Variants in MAGED1 observed in about 807,000 individuals in gnomAD.
MAGED1 encodes the protein MAGE family member D1.
Under a neutral mutation model 54.1 loss-of-function variants are expected in MAGED1, and 3 were observed. The observed-to-expected ratio is 0.06, with a 90% CI of 0.03 to 0.14. The LOEUF is 0.14. MAGED1 is among the 10% of genes least tolerant of loss of function. The pLI, the probability that MAGED1 is intolerant of heterozygous loss-of-function variation, is 1.00. For missense variants in MAGED1, 485 were observed against 623.4 expected (o/e 0.78, Z 2.36); for synonymous variants, 217 against 227.3 (o/e 0.95, Z 0.41).
intron 2 of MAGED1, 124 bp from the exon 3 acceptor site, chrX:51,894,929 C>A: frequency 1.1e-6 from 1 of 911,431 alleles, no homozygotes; most frequent in Non-Finnish European, 1.5e-6. Flanking sequence ...CTCAGCCCCC[C>A]TGTTTTTGCA....
At chrX:51,822,217 T>C (rs1165166481) in intron 1 of MAGED1, among the ~76,000 whole-genome samples, 1 of 112,113 alleles carries the variant, frequency 8.9e-6, no homozygotes, top group East Asian at 2.8e-4. Flanking sequence ...ACTAATTCAA[T>C]GTCTTCACTT....
chrX:51,839,390 A>G (rs1557358230), intron 1 of MAGED1, among the ~76,000 whole-genome samples: 1 of 111,973 alleles, frequency 8.9e-6, no homozygotes, highest in African/African-American at 3.2e-5. Context: ...ATGTGTACAG[A>G]AATGGATCCA....
At position 51,869,958 on chromosome X, in the gene MAGED1, ACTC is replaced by A. The variant is rs1337193979; in HGVS notation, c.-36-24308_-36-24306del. ...GCTATCATAGCTCACTGCAGCCTAA[ACTC>A]CTGGGGTCAGGGGATCCTTCTGCCT... On this transcript the variant is annotated intron_variant, in intron 1 of 12. Transcript: ENST00000375772. 1.3e-4 allele frequency among the ~76,000 whole-genome samples: 14 copies of A among 110,615 alleles called. No homozygotes were observed. In the East Asian group the frequency reaches 3.7e-3, roughly 30 times the overall value.
intron 1 of MAGED1, among the ~76,000 whole-genome samples, chrX:51,854,790 C>T (rs1320307444): frequency 1.8e-5 from 2 of 111,059 alleles, no homozygotes; most frequent in Non-Finnish European, 3.8e-5. Flanking sequence ...TGCCCTAAGA[C>T]CAGGCAGGAG....
At chrX:51,855,840 A>G (rs1194139450) in intron 1 of MAGED1, among the ~76,000 whole-genome samples, 1 of 111,722 alleles carries the variant, frequency 9.0e-6, no homozygotes, top group Non-Finnish European at 1.9e-5. Context: ...TCCTCTTCTT[A>G]TAAGGACACC....
At chrX:51,820,331 T>C (rs1925576790) in intron 1 of MAGED1, among the ~76,000 whole-genome samples, 1 of 112,273 alleles carries the variant, frequency 8.9e-6, no homozygotes, top group South Asian at 3.7e-4. Flanking sequence ...AGAATTTCAA[T>C]AGGAATTTCA....
chrX:51,901,221 C>G (rs1557364901), intron 11 of MAGED1, among the ~76,000 whole-genome samples: 1 of 112,074 alleles, frequency 8.9e-6, no homozygotes, highest in Non-Finnish European at 1.9e-5. Context: ...TAACCGATAT[C>G]TCCCTATCCC....
intron 1 of MAGED1, among the ~76,000 whole-genome samples, chrX:51,861,394 C>T (rs782206385): frequency 4.5e-5 from 5 of 111,685 alleles, no homozygotes; most frequent in African/African-American, 1.6e-4. Context: ...TTGAAATCTA[C>T]TTCTTTTGGT....
In MAGED1 at chrX:51,901,555, T is replaced by A; in HGVS notation, c.1962T>A (p.Val654=). The A allele has an allele frequency of 8.7e-7, 1 of 1,148,456 alleles. No homozygotes were observed. Among genetic ancestry groups the A allele is most frequent in the South Asian group, 2.1e-5 (1 of 47,704 alleles). 94.6% of individuals were successfully genotyped at this position (1,148,456 alleles called of 1,213,427 possible). A position where few individuals can be genotyped will look rare whatever the true frequency, so the allele number is the denominator to read the frequency against. The change falls in exon 12 of 13, where the codon GTT becomes GTA. Residue 654 remains valine, a splice_region_variant and synonymous_variant. Transcript: ENST00000326587. ...TTGTTTTCTATTCCTCATCTCAGGT[T>A]CAGAAAAGAGACCCTCGTGACTGGA... is the stretch of plus-strand genomic sequence containing the variant. The part of the protein sequence containing the change: ...KMKVLRFIAE[V]QKRDPRDWTA...
At chrX:51,860,068 C>T (rs1264274658) in intron 1 of MAGED1, among the ~76,000 whole-genome samples, 10 of 111,369 alleles carry the variant, frequency 9.0e-5, no homozygotes, top group Non-Finnish European at 1.5e-4. Flanking sequence ...GAGTTCCAGA[C>T]CATCCTGGCC....
At chrX:51,886,367 C>T (rs1725734180) in intron 1 of MAGED1, among the ~76,000 whole-genome samples, 1 of 110,929 alleles carries the variant, frequency 9.0e-6, no homozygotes, top group Admixed American at 9.6e-5. Context: ...CAAGATCATA[C>T]CCTGATGAGA....
intron 8 of MAGED1, 27 bp from the exon 9 acceptor site, chrX:51,898,258 C>A: frequency 8.3e-7 from 1 of 1,209,741 alleles, no homozygotes; most frequent in South Asian, 1.8e-5. Flanking sequence ...TTTTCCGTCC[C>A]TTGTCTCCCC....
At chrX:51,841,228 G>A (rs1409681581) in intron 1 of MAGED1, among the ~76,000 whole-genome samples, 1 of 111,267 alleles carries the variant, frequency 9.0e-6, no homozygotes, top group Non-Finnish European at 1.9e-5. Flanking sequence ...CTGCATAAAT[G>A]TCTTCTTTTG....
At position 51,898,623 on chromosome X, in the gene MAGED1, C is replaced by T; in HGVS notation, c.1824C>T (p.Thr608=). Residue 608 remains threonine, a synonymous_variant, in exon 10 of 13, where the codon ACC becomes ACT. Transcript: ENST00000326587. Reference sequence around the variant, plus strand: ...TTGGAGATCTAAGGAAACTTCTCACCTATGAGTTTGTAAAGCAGAAGTAAG... The same window carrying T: ...TTGGAGATCTAAGGAAACTTCTCACTTATGAGTTTGTAAAGCAGAAGTAAG... ...PLLGDLRKLL[T]YEFVKQKYLD... The T allele has an allele frequency of 3.3e-6, 4 of 1,208,074 alleles. No individual in the cohort carries two copies. The highest frequency in any genetic ancestry group is 4.5e-6 in the Non-Finnish European group (4 of 894,147).
intron 1 of MAGED1, among the ~76,000 whole-genome samples, chrX:51,809,343 T>G (rs1262341715): frequency 5.4e-5 from 6 of 111,339 alleles, no homozygotes; most frequent in Admixed American, 3.8e-4. Flanking sequence ...CTCGACCTCC[T>G]GACTTTGTGA....
chrX:51,857,418 A>G (rs12836294), intron 1 of MAGED1: 1 of 111,702 alleles, frequency 9.0e-6, no homozygotes, highest in South Asian at 3.8e-4. Context: ...ATAGTGGAGA[A>G]CAACCCTATG....
intron 1 of MAGED1, among the ~76,000 whole-genome samples, chrX:51,886,639 CA>C (rs34342880): frequency 3.0e-5 from 3 of 101,150 alleles, no homozygotes; most frequent in Admixed American, 2.1e-4. Context: ...CCAAAATCTA[CA>C]AAAAAAAAGA....
chrX:51,892,099 A>C (rs1928458741), upstream of MAGED1, among the ~76,000 whole-genome samples: 2 of 112,479 alleles, frequency 1.8e-5, no homozygotes, highest in Non-Finnish European at 3.8e-5. Flanking sequence ...TGCCAGAACA[A>C]ATGTGAACTG....
chrX:51,857,632 T>C (rs1927134347), intron 1 of MAGED1: 1 of 112,174 alleles, frequency 8.9e-6, no homozygotes, highest in Non-Finnish European at 1.9e-5. Context: ...GTTTTTAATC[T>C]AGAGCTCAAA....
Sources: allele counts gnomAD v4.1 joint callset (sites outside exome capture counted in the v4.1 genomes callset), GRCh38; gene constraint gnomAD v4.1.1; transcripts MANE v1.5; gene names NCBI Gene and HGNC (gene_info 2026-07-23, HGNC 2026-07-21).